The following TNRC6B variants were observed in gnomAD, a reference collection of about 807,000 sequenced individuals.
TNRC6B encodes the protein trinucleotide repeat containing adaptor 6B, also known as trinucleotide repeat-containing gene 6B protein.
TNRC6B carries 52 observed loss-of-function variants against 203.6 expected under a neutral mutation model. The observed-to-expected ratio is 0.26, with a 90% confidence interval of 0.20 to 0.32. TNRC6B has a LOEUF of 0.32. TNRC6B is among the 10% of genes least tolerant of loss of function. TNRC6B has a pLI of 1.00. For synonymous variants in TNRC6B, 838 were observed against 845.7 expected, an observed-to-expected ratio of 0.99 and a Z score of 0.16; for missense variants, 1,923 against 2,286.2, an observed-to-expected ratio of 0.84 and a Z score of 3.24.
At chr22:40,268,805 G>A (rs972205892) in intron 5 of TNRC6B, among the ~76,000 whole-genome samples, 16 of 151,994 alleles carry the variant, frequency 1.1e-4, no homozygotes, top group South Asian at 2.1e-4. Flanking sequence ...CCAGCTACTC[G>A]GGAGGCTGAG....
At chr22:40,076,752 T>C (rs1421546366) in intron 1 of TNRC6B, among the ~76,000 whole-genome samples, 2 of 152,206 alleles carry the variant, frequency 1.3e-5, no homozygotes, top group Non-Finnish European at 2.9e-5. Context: ...CTTCCAGTAA[T>C]ACTGTAGTAT....
intron 1 of TNRC6B, among the ~76,000 whole-genome samples, chr22:40,196,265 T>G (rs1376397812): frequency 6.6e-6 from 1 of 152,062 alleles, no homozygotes; most frequent in African/African-American, 2.4e-5. Flanking sequence ...TCCTTCCATC[T>G]CAGCTACCAG....
chr22:40,276,034 A>G (rs369250728), intron 7 of TNRC6B, among the ~76,000 whole-genome samples: 4 of 151,748 alleles, frequency 2.6e-5, no homozygotes, highest in East Asian at 1.9e-4. Context: ...ACTTTCAAGG[A>G]TAATAAAATT....
intron 4 of TNRC6B, among the ~76,000 whole-genome samples, chr22:40,159,046 T>A (rs1450012758): frequency 6.6e-6 from 1 of 151,774 alleles, no homozygotes; most frequent in Non-Finnish European, 1.5e-5. Flanking sequence ...CACTGCAAGC[T>A]CCGCCTCCCG....
chr22:40,156,716 T>C (rs2068821118), intron 4 of TNRC6B, among the ~76,000 whole-genome samples: 1 of 151,364 alleles, frequency 6.6e-6, no homozygotes, highest in Non-Finnish European at 1.5e-5. Flanking sequence ...ATTCAGGATC[T>C]CTCCCCTAAC....
chr22:40,254,888 A>G (rs1229212025), intron 3 of TNRC6B, among the ~76,000 whole-genome samples: 1 of 151,604 alleles, frequency 6.6e-6, no homozygotes, highest in African/African-American at 2.4e-5. Context: ...CTCTGTCTCA[A>G]AAAAAACAAA....
At chr22:40,164,148 G>A (rs924158559) in intron 4 of TNRC6B, among the ~76,000 whole-genome samples, 9 of 151,800 alleles carry the variant, frequency 5.9e-5, no homozygotes, top group African/African-American at 1.9e-4. Context: ...TTGGGAGGCC[G>A]AGGCAGGTGG....
At chr22:40,131,964 G>A (rs2068548853) in intron 3 of TNRC6B, among the ~76,000 whole-genome samples, 1 of 152,184 alleles carries the variant, frequency 6.6e-6, no homozygotes, top group African/African-American at 2.4e-5. Flanking sequence ...TTTTTCTGCT[G>A]TGTATGTGAG....
intron 1 of TNRC6B, among the ~76,000 whole-genome samples, chr22:40,080,780 A>G (rs2068057580): frequency 1.3e-5 from 2 of 151,524 alleles, no homozygotes; most frequent in South Asian, 2.1e-4. Context: ...TAGGCTGCAA[A>G]GAACCTGCCT....
intron 1 of TNRC6B, among the ~76,000 whole-genome samples, chr22:40,235,636 C>T (rs1337725570): frequency 6.6e-6 from 1 of 152,152 alleles, no homozygotes; most frequent in African/African-American, 2.4e-5. Context: ...AGCTCAGTGA[C>T]TAGTACACCA....
chr22:40,143,569 G>A (rs1344387840), intron 3 of TNRC6B, among the ~76,000 whole-genome samples: 6 of 152,038 alleles, frequency 3.9e-5, no homozygotes, highest in South Asian at 2.1e-4. Context: ...GGCTCACTGC[G>A]AGCTCCACCT....
chr22:40,171,728 G>A (rs904365898), intron 4 of TNRC6B, among the ~76,000 whole-genome samples: 8 of 152,128 alleles, frequency 5.3e-5, no homozygotes, highest in African/African-American at 1.9e-4. Flanking sequence ...AATATTTACT[G>A]TGGACTGAAG....
At chr22:40,314,875 A>T (rs1810808739) in intron 19 of TNRC6B, among the ~76,000 whole-genome samples, 1 of 152,216 alleles carries the variant, frequency 6.6e-6, no homozygotes, top group Non-Finnish European at 1.5e-5. Flanking sequence ...TAATTTACTA[A>T]TTACTTTCTA....
At chr22:40,286,638 G>T (rs2070787061) in intron 12 of TNRC6B, among the ~76,000 whole-genome samples, 1 of 152,200 alleles carries the variant, frequency 6.6e-6, no homozygotes, top group African/African-American at 2.4e-5. Context: ...GAGACTCCTG[G>T]ATTCAACTCT....
intron 1 of TNRC6B, among the ~76,000 whole-genome samples, chr22:40,201,852 C>T (rs992877079): frequency 1.3e-5 from 2 of 152,088 alleles, no homozygotes; most frequent in Admixed American, 6.6e-5. Flanking sequence ...TGGAGTATTT[C>T]GGATTTCAGA....
intron 4 of TNRC6B, among the ~76,000 whole-genome samples, chr22:40,162,637 A>G (rs924494990): frequency 2.7e-4 from 41 of 152,248 alleles, no homozygotes; most frequent in African/African-American, 9.9e-4. Flanking sequence ...GTATTACACC[A>G]TAAGGTTTTC....
At chr22:40,299,157 A>G (rs1331490223) in intron 12 of TNRC6B, among the ~76,000 whole-genome samples, 1 of 150,592 alleles carries the variant, frequency 6.6e-6, no homozygotes, top group African/African-American at 2.4e-5. Flanking sequence ...AAAAAAAAAA[A>G]CAAAAAAAAA....
At chr22:40,282,215 A>G (rs1444267061) in intron 11 of TNRC6B, among the ~76,000 whole-genome samples, 1 of 152,222 alleles carries the variant, frequency 6.6e-6, no homozygotes, top group Non-Finnish European at 1.5e-5. Flanking sequence ...TAACTTCCAC[A>G]TACACGTTAC....
At chr22:40,169,018 G>A (rs1285668940) in intron 4 of TNRC6B, among the ~76,000 whole-genome samples, 1 of 151,850 alleles carries the variant, frequency 6.6e-6, no homozygotes, top group Non-Finnish European at 1.5e-5. Flanking sequence ...AATCGTTTTT[G>A]TATGCCCCTG....
Sources: gnomAD v4.1 joint callset for allele counts (sites outside exome capture counted in the v4.1 genomes callset) on GRCh38, gnomAD v4.1.1 for gene constraint, MANE v1.5 for transcripts, NCBI Gene and HGNC (gene_info 2026-07-23, HGNC 2026-07-21) for gene names.